Variants in COL6A2 observed in about 807,000 individuals in gnomAD.
The protein encoded by COL6A2 is collagen alpha-2(VI) chain.
In COL6A2, 90 loss-of-function variants were observed where a neutral mutation model predicts 124.9. The observed-to-expected ratio is 0.72, with a 90% confidence interval of 0.61 to 0.86. COL6A2 has a LOEUF of 0.86. COL6A2 is among the 40% of genes least tolerant of loss of function. COL6A2 has a pLI of 0.00. For synonymous variants in COL6A2, 793 were observed against 618.2 expected (o/e 1.28, Z -4.19); for missense variants, 1,607 against 1,502.5 (o/e 1.07, Z -1.15).
At chr21:46,102,247 T>C (rs1427998997) in intron 1 of COL6A2, among the ~76,000 whole-genome samples, 1 of 152,252 alleles carries the variant, frequency 6.6e-6, no homozygotes, top group Admixed American at 6.5e-5. Context: ...TTACTATGTA[T>C]TCTGCTATTT....
chr21:46,131,607 G>T (rs2078760689), intron 27 of COL6A2, among the ~76,000 whole-genome samples: 1 of 152,194 alleles, frequency 6.6e-6, no homozygotes, highest in South Asian at 2.1e-4. Context: ...CCTTTTGTGG[G>T]CAGCAAATTC....
chr21:46,119,035 T>G lies in COL6A2; in HGVS notation c.1185T>G (p.Tyr395Ter). ...GCTGTCCTCTCCTTCTTCAGGGGTA[T>G]CAAGGCAACAGTGGAGCCCCAGGAA... Reference protein sequence around the residue: ...GEIGAKGSKGYQGNSGAPGSP... With the variant: ...GEIGAKGSKG Residue 395 changes from tyrosine to a stop codon, truncating the protein, a stop_gained, in exon 14 of 28, where the codon TAT (tyrosine) becomes TAG (stop). Transcript: ENST00000300527. LOFTEE classifies it high-confidence loss of function. 1 of 1,611,086 alleles carries G rather than the reference T, an allele frequency of 6.2e-7. No individual in the cohort carries two copies. Among genetic ancestry groups the G allele is most frequent in the South Asian group, 1.1e-5 (1 of 91,040 alleles).
chr21:46,120,674 G>A, intron 16 of COL6A2, 97 bp downstream of exon 16: 2 of 1,205,292 alleles, frequency 1.7e-6, no homozygotes, highest in Non-Finnish European at 2.3e-6. Context: ...TGCACCCCAA[G>A]GTAGGGGACC....
intron 1 of COL6A2, among the ~76,000 whole-genome samples, chr21:46,102,538 T>C (rs944196648): frequency 6.6e-6 from 1 of 152,180 alleles, no homozygotes; most frequent in Non-Finnish European, 1.5e-5. Context: ...TTTCGTATAA[T>C]ATGGCTTTTA....
rs1422560776 is a variant in COL6A2, at chr21:46,131,971, T to C, written c.2479T>C (p.Cys827Arg). 1 of 1,606,680 alleles carries C rather than the reference T, an allele frequency of 6.2e-7. No homozygotes were observed. The highest frequency in any genetic ancestry group is 8.5e-7 in the Non-Finnish European group (1 of 1,178,142). The change falls in exon 28 of 28, where the codon TGC (cysteine) becomes CGC (arginine). Residue 827 changes from cysteine (C) to arginine (R), a missense_variant. Physicochemically the swap from Cys to Arg is radical, Grantham distance 180. This residue lies in a region of COL6A2 where 1,223 missense variants were observed against 1,052.2 expected (regional missense o/e 1.16). Coordinates refer to ENST00000300527, the MANE Select transcript of COL6A2 (RefSeq NM_001849.4). ...PCQTELSVAQ[C>R]TQRPVDIVFL... Reference sequence around the variant, plus strand: ...CCCCACAGAGCTGTCCGTGGCACAGTGCACGCAGCGGCCCGTGGACATCGT... The same window carrying C: ...CCCCACAGAGCTGTCCGTGGCACAGCGCACGCAGCGGCCCGTGGACATCGT...
Position 46,116,834 on chromosome 21 carries a change from C to T in COL6A2, c.999+20C>T, listed in dbSNP as rs750278043. 10 of 1,612,616 alleles carry T rather than the reference C, an allele frequency of 6.2e-6. No homozygotes were observed. The South Asian group carries it at 1.1e-4, about 18-fold the overall frequency. ...CAGAAGGTAGAGGGAGCCTCGGGCT[C>T]ACAGCTGGACTGGTCTCACAGAGGC... On this transcript the variant is annotated intron_variant, in intron 10 of 27. Coordinates refer to ENST00000300527, the MANE Select transcript of COL6A2 (RefSeq NM_001849.4). This position sits in a 1 kb window ranked among gnomAD's most constrained non-coding sequence, Gnocchi z 4.6.
Position 46,125,579 on chromosome 21 carries a change from G to A in COL6A2, c.1931G>A (p.Arg644Lys). 5 of 1,612,926 alleles carry A rather than the reference G, an allele frequency of 3.1e-6. No homozygotes were observed. Among genetic ancestry groups the A allele is most frequent in the East Asian group, 2.2e-5 (1 of 44,874 alleles). Reference protein sequence around the residue: ...EKNFVINVVNRLGAIAKDPKS... With the variant: ...EKNFVINVVNKLGAIAKDPKS... ...AACTTCGTCATCAACGTGGTCAACAGGCTGGGTGCCATCGCTAAGGACCCC... is the reference window on the plus strand; with the variant it reads ...AACTTCGTCATCAACGTGGTCAACAAGCTGGGTGCCATCGCTAAGGACCCC... Residue 644 changes from arginine (R) to lysine (K), a missense_variant, in exon 25 of 28, where the codon AGG (arginine) becomes AAG (lysine). Arg to Lys is a conservative substitution (Grantham distance 26, BLOSUM62 2). Coordinates refer to ENST00000300527, the MANE Select transcript of COL6A2 (RefSeq NM_001849.4).
rs1182960068 is a variant in COL6A2, at chr21:46,116,459, C to G, written c.927+56C>G. The stretch of plus-strand genomic sequence containing the variant: ...CTGCGCCAGCCTCGGCCCAGACCCA[C>G]CTCTTGGCGTCCGCCGCAGCCTGTC... On this transcript the variant is annotated intron_variant, in intron 8 of 27. Transcript: ENST00000300527. The surrounding 1 kb of genome is among the most constrained non-coding windows in gnomAD (Gnocchi z 4.6). The G allele has an allele frequency of 6.2e-7, 1 of 1,606,814 alleles. No individual in the cohort carries two copies. The highest frequency in any genetic ancestry group is 8.5e-7 in the Non-Finnish European group (1 of 1,175,472).
chr21:46,129,024 A>C, intron 27 of COL6A2: 1 of 1,602,156 alleles, frequency 6.2e-7, no homozygotes, highest in Non-Finnish European at 8.5e-7. Context: ...CACTGCCCCC[A>C]CGCCTCCTGC....
intron 1 of COL6A2, among the ~76,000 whole-genome samples, chr21:46,102,115 C>A (rs1419423780): frequency 6.6e-6 from 1 of 151,968 alleles, no homozygotes; most frequent in African/African-American, 2.4e-5. Context: ...AGGTCTTTCA[C>A]CTCCTAAGTC....
At chr21:46,122,300 A>C in intron 19 of COL6A2, 142 bp downstream of exon 19, 1 of 1,228,818 alleles carries the variant, frequency 8.1e-7, no homozygotes, top group East Asian at 2.5e-5. Flanking sequence ...AGTGGTGAGA[A>C]GGCTTCGGGT....
At chr21:46,115,168 A>G (rs1163704514) in intron 5 of COL6A2, among the ~76,000 whole-genome samples, 3 of 152,180 alleles carry the variant, frequency 2.0e-5, no homozygotes, top group South Asian at 2.1e-4. Context: ...TGGGGGGGCC[A>G]CTGGAAGCTG....
rs765822203 is a variant in COL6A2, at chr21:46,132,393, G to A, written c.2901G>A (p.Gln967=). The change falls in exon 28 of 28, where the codon CAG becomes CAA. Residue 967 remains glutamine (Q), a synonymous_variant. Coordinates refer to ENST00000300527, the MANE Select transcript of COL6A2 (RefSeq NM_001849.4). The part of the protein sequence containing the change: ...LHESAHSMRK[Q]NVVPTVLALG... ...AGTCGGCGCACTCCATGCGCAAGCA[G>A]AACGTGGTACCCACCGTGCTGGCCT... The A allele has an allele frequency of 1.2e-6, 2 of 1,609,620 alleles. No homozygotes were observed. The highest frequency in any genetic ancestry group is 2.2e-5 in the South Asian group (2 of 91,080).
chr21:46,130,282 G>A (rs1422342880), intron 27 of COL6A2, among the ~76,000 whole-genome samples: 6 of 152,206 alleles, frequency 3.9e-5, no homozygotes, highest in Non-Finnish European at 8.8e-5. Flanking sequence ...CATCCACCAG[G>A]CACAACCTCT....
At position 46,122,759 on chromosome 21, in the gene COL6A2, G is replaced by T. The variant is rs560319520; in HGVS notation, c.1609-116G>T. ...GGCTTTGCAAAAAAACCACATAGAT[G>T]CTCCCGTTTAAAGGACCCCAAAATG... is the stretch of plus-strand genomic sequence containing the variant. On this transcript the variant is annotated intron_variant, in intron 20 of 27. Transcript: ENST00000300527. The T allele has an allele frequency of 6.2e-6, 7 of 1,128,156 alleles. No homozygotes were observed. The East Asian group carries it at 1.7e-4, about 28-fold the overall frequency. 69.9% of individuals were successfully genotyped at this position (1,128,156 alleles called of 1,614,324 possible).
chr21:46,124,705 G>A lies in COL6A2; in HGVS notation c.1726G>A (p.Gly576Arg). ...CCCTCGGGGGCCAAGAGGAGTCCCA[G>A]GACCCGAGGTAGGTTGGTGGCCAGT... ...PGPRGPRGVP[G>R]PEGEPGPPGD... The change falls in exon 22 of 28, where the codon GGA (glycine) becomes AGA (arginine). Residue 576 changes from glycine to arginine, a missense_variant. Transcript: ENST00000300527. 6.2e-7 allele frequency: 1 copy of A among 1,612,798 alleles called. No homozygotes were observed. The highest frequency in any genetic ancestry group is 8.5e-7 in the Non-Finnish European group (1 of 1,179,910).
chr21:46,119,134 C>G lies in COL6A2; in HGVS notation c.1269+15C>G, dbSNP rs1349236162. 1.2e-6 allele frequency: 2 copies of G among 1,601,700 alleles called. No homozygotes were observed. Among genetic ancestry groups the G allele is most frequent in the African/African-American group, 2.7e-5 (2 of 74,660 alleles). On this transcript the variant is annotated intron_variant, in intron 14 of 27. Transcript: ENST00000300527. ...AAGGCGAGCCGGTGAGTCCCTCCTG[C>G]CCCTGCCTCAGGGCCCCGCTCTGGG...
rs77570168 is a variant in COL6A2, at chr21:46,104,172, A to G, written c.-28+5999A>G. ...CAAAGAAACTTTCCTATTTCAAAGG[A>G]AAAAAAAACAACAGAAACTGTCACT... On this transcript the variant is annotated intron_variant, in intron 1 of 27. Transcript: ENST00000300527. 1.6e-3 allele frequency among the ~76,000 whole-genome samples: 69 copies of G among 44,020 alleles called. 1 individual carries two copies. The South Asian group carries it at 0.035, about 22-fold the overall frequency. The allele number at this position is 44,020 out of a possible 152,430, so 28.9% of individuals were successfully genotyped here.
At position 46,121,601 on chromosome 21, in the gene COL6A2, G is replaced by C. The variant is rs1452814588; in HGVS notation, c.1504G>C (p.Gly502Arg). ...TGATGCAGGACCCCGTGGAGACTCAGGACAGCCAGGCCCCAAGGTACGTGC... is the reference window on the plus strand; with the variant it reads ...TGATGCAGGACCCCGTGGAGACTCACGACAGCCAGGCCCCAAGGTACGTGC... ...PGDAGPRGDS[G>R]QPGPKGDPGR... The change falls in exon 18 of 28, where the codon GGA becomes CGA. Residue 502 changes from glycine to arginine, a missense_variant. Physicochemically the swap from Gly to Arg is moderately radical, Grantham distance 125. This residue lies in a region of COL6A2 where 1,223 missense variants were observed against 1,052.2 expected (regional missense o/e 1.16). Coordinates refer to ENST00000300527, the MANE Select transcript of COL6A2 (RefSeq NM_001849.4). 1 of 1,612,802 alleles carries C rather than the reference G, an allele frequency of 6.2e-7. No homozygotes were observed. The highest frequency in any genetic ancestry group is 8.5e-7 in the Non-Finnish European group (1 of 1,179,938).
Sources: gnomAD v4.1 joint callset for allele counts (sites outside exome capture counted in the v4.1 genomes callset) on GRCh38, gnomAD v4.1.1 for gene constraint, gnomAD v4.1.1 regional missense constraint, Gnocchi (gnomAD v3.1) non-coding constraint, MANE v1.5 for transcripts, NCBI Gene and HGNC (gene_info 2026-07-23, HGNC 2026-07-21) for gene names.